The following INPP5D variants were observed in gnomAD, a reference collection of about 807,000 sequenced individuals.
INPP5D encodes the protein inositol polyphosphate-5-phosphatase D.
A neutral mutation model predicts 122.9 loss-of-function variants in INPP5D; 33 were observed. The ratio of observed to expected loss-of-function variants is 0.27; its 90% CI spans 0.20 to 0.36. The LOEUF (loss-of-function observed/expected upper bound fraction) is 0.36. Ranked by LOEUF, INPP5D falls within the 10% of genes least tolerant of loss-of-function variation. INPP5D has a pLI of 1.00. For missense variants in INPP5D, 1,053 were observed against 1,412.7 expected (o/e 0.75, Z 4.08); for synonymous variants, 584 against 576.2 (o/e 1.01, Z -0.19).
chr2:233,144,449 GTAGTGA>G (rs1160314633), intron 6 of INPP5D, among the ~76,000 whole-genome samples: 5,572 of 143,144 alleles, frequency 0.039, 469 homozygotes, highest in African/African-American at 0.14. Context: ...GAAGGTGGTG[GTAGTGA>G]TGGTGATGGT....
chr2:233,068,996 G>A (rs1445804383), intron 1 of INPP5D, among the ~76,000 whole-genome samples: 1 of 151,902 alleles, frequency 6.6e-6, no homozygotes, highest in East Asian at 1.9e-4. Flanking sequence ...AATTGAGGGG[G>A]TGGGTGCAGA....
At chr2:233,108,104 C>T (rs1159687041) in intron 2 of INPP5D, among the ~76,000 whole-genome samples, 1 of 152,094 alleles carries the variant, frequency 6.6e-6, no homozygotes, top group Non-Finnish European at 1.5e-5. Flanking sequence ...AGGTAGACGC[C>T]CCAAATGCCA....
chr2:233,144,063 G>T (rs1693684577), intron 6 of INPP5D, among the ~76,000 whole-genome samples: 1 of 141,008 alleles, frequency 7.1e-6, no homozygotes, highest in Non-Finnish European at 1.5e-5. Flanking sequence ...TGGTGGAGGT[G>T]GTCATGATCA....
intron 1 of INPP5D, among the ~76,000 whole-genome samples, chr2:233,060,826 C>T (rs1691053082): frequency 6.6e-6 from 1 of 152,214 alleles, no homozygotes; most frequent in African/African-American, 2.4e-5. Context: ...ACTCTGAGGC[C>T]TGATGTTACA....
chr2:233,116,463 A>AT (rs1692798937), intron 2 of INPP5D, among the ~76,000 whole-genome samples: 1 of 151,332 alleles, frequency 6.6e-6, no homozygotes, highest in South Asian at 2.1e-4. Flanking sequence ...TAATATTTGT[A>AT]TTTTTTGTAG....
intron 2 of INPP5D, among the ~76,000 whole-genome samples, chr2:233,119,956 T>C (rs1014927351): frequency 7.2e-5 from 11 of 152,326 alleles, no homozygotes; most frequent in Admixed American, 6.5e-4. Flanking sequence ...AGTAGATATC[T>C]GACTTGGAGG....
intron 2 of INPP5D, among the ~76,000 whole-genome samples, chr2:233,099,271 G>C (rs1391044475): frequency 6.6e-6 from 1 of 152,144 alleles, no homozygotes; most frequent in Non-Finnish European, 1.5e-5. Flanking sequence ...ACTTTAGATT[G>C]TTTTGTCCTA....
chr2:233,179,807 C>T (rs986384427), intron 18 of INPP5D, among the ~76,000 whole-genome samples: 2 of 152,158 alleles, frequency 1.3e-5, no homozygotes, highest in Non-Finnish European at 2.9e-5. Flanking sequence ...ACAGGGGTGA[C>T]CTGGGAGCCT....
Position 233,204,034 on chromosome 2 carries a change from AC to A in INPP5D, c.2976-88del. ...TATCTAGTTCAGAAACATTTGTATC[AC>A]CCCAAAGAAAGACCCAGAGCCATTA... On this transcript the variant is annotated intron_variant, in intron 25 of 26. Coordinates refer to ENST00000445964, the MANE Select transcript of INPP5D (RefSeq NM_001017915.3). 1.4e-6 allele frequency: 2 copies of A among 1,427,142 alleles called. 1 individual carries two copies. The highest frequency in any genetic ancestry group is 1.8e-6 in the Non-Finnish European group (2 of 1,088,466). The allele number at this position is 1,427,142 out of a possible 1,614,324, so 88.4% of individuals were successfully genotyped here.
rs542008487 is a variant in INPP5D at position 233,125,737 on chromosome 2, C to T, written c.350-8C>T. 1.2e-6 allele frequency: 2 copies of T among 1,610,162 alleles called. No individual in the cohort carries two copies. Among genetic ancestry groups the T allele is most frequent in the South Asian group, 2.2e-5 (2 of 90,508 alleles). On this transcript the variant is annotated splice_polypyrimidine_tract_variant and splice_region_variant and intron_variant, in intron 3 of 26. Coordinates refer to ENST00000445964, the MANE Select transcript of INPP5D (RefSeq NM_001017915.3). ...CCTCACCAATGGCCTTCCTGCTGTTCTCTCCAGTAGAAAGTGTCGTGTCTC... is the reference window on the plus strand; with the variant it reads ...CCTCACCAATGGCCTTCCTGCTGTTTTCTCCAGTAGAAAGTGTCGTGTCTC...
intron 24 of INPP5D, among the ~76,000 whole-genome samples, chr2:233,196,272 C>T (rs922436142): frequency 3.3e-5 from 5 of 152,124 alleles, no homozygotes; most frequent in Admixed American, 6.5e-5. Flanking sequence ...GTCTGTTGAC[C>T]GCTGGAGAGG....
intron 5 of INPP5D, among the ~76,000 whole-genome samples, chr2:233,134,790 G>A (rs2106267863): frequency 6.6e-6 from 1 of 152,272 alleles, no homozygotes; most frequent in South Asian, 2.1e-4. Flanking sequence ...TGAGAGCAGG[G>A]TAAGATTTTT....
At chr2:233,186,648 A>T (rs1437599505) in intron 21 of INPP5D, among the ~76,000 whole-genome samples, 10 of 122,692 alleles carry the variant, frequency 8.2e-5, no homozygotes, top group East Asian at 4.9e-4. Flanking sequence ...CCAAAAAAAA[A>T]TTTTTTTTCT....
At chr2:233,133,802 C>T (rs372579232) in intron 5 of INPP5D, among the ~76,000 whole-genome samples, 8 of 152,172 alleles carry the variant, frequency 5.3e-5, no homozygotes, top group African/African-American at 1.9e-4. Flanking sequence ...AAGCAGGAGA[C>T]CAGCTGGGAG....
At chr2:233,101,173 T>A (rs149494847) in intron 2 of INPP5D, among the ~76,000 whole-genome samples, 150 of 152,250 alleles carry the variant, frequency 9.9e-4, no homozygotes, top group Admixed American at 3.5e-3. Flanking sequence ...GACAACCAGT[T>A]CTCCAGGGAA....
chr2:233,089,426 G>A (rs183235262), intron 2 of INPP5D, among the ~76,000 whole-genome samples: 216 of 152,330 alleles, frequency 1.4e-3, no homozygotes, highest in African/African-American at 4.2e-3. Context: ...TGACAGAAGA[G>A]GGATGTCATT....
chr2:233,141,684 G>C (rs1693634508), intron 6 of INPP5D: 1 of 152,214 alleles, frequency 6.6e-6, no homozygotes, highest in African/African-American at 2.4e-5. Context: ...GCTCTGGAAA[G>C]ATCTCCAAGA....
chr2:233,158,911 G>C (rs1170425198), intron 10 of INPP5D, among the ~76,000 whole-genome samples: 1 of 152,070 alleles, frequency 6.6e-6, no homozygotes, highest in Non-Finnish European at 1.5e-5. Flanking sequence ...GCTGAGGTGA[G>C]ACAAGTAGCT....
rs1695112068 is a variant in INPP5D, at chr2:233,193,823, A to G, written c.2458A>G (p.Ile820Val). Residue 820 changes from isoleucine to valine, a missense_variant, in exon 23 of 27, where the codon ATT becomes GTT. This residue lies in a region of INPP5D where 258 missense variants were observed against 439.1 expected (regional missense o/e 0.59). Coordinates refer to ENST00000445964, the MANE Select transcript of INPP5D (RefSeq NM_001017915.3). Reference protein sequence around the residue: ...DSDESYGEGCIALRLEATETQ... With the variant: ...DSDESYGEGCVALRLEATETQ... ...CACTTTCCCTGCAGGCGAGGGCTGC[A>G]TTGCCCTTCGGTTAGAGGCCACAGA... The G allele has an allele frequency of 1.9e-6, 3 of 1,613,956 alleles. No homozygotes were observed. Among genetic ancestry groups the G allele is most frequent in the Non-Finnish European group, 2.5e-6 (3 of 1,179,888 alleles).
Sources: gnomAD v4.1 joint callset for allele counts (sites outside exome capture counted in the v4.1 genomes callset) on GRCh38, gnomAD v4.1.1 for gene constraint, gnomAD v4.1.1 regional missense constraint, MANE v1.5 for transcripts, NCBI Gene and HGNC (gene_info 2026-07-23, HGNC 2026-07-21) for gene names.